TASP1: variants seen among roughly 807,000 people sequenced by gnomAD.
The protein encoded by TASP1 is taspase 1.
In TASP1, 16 loss-of-function variants were observed where a neutral mutation model predicts 56.6. That is an observed-to-expected ratio of 0.28 (90% CI 0.19 to 0.43). The LOEUF (loss-of-function observed/expected upper bound fraction) is 0.43. Ranked by LOEUF, TASP1 falls within the 20% of genes least tolerant of loss-of-function variation. The pLI, the probability that TASP1 is intolerant of heterozygous loss-of-function variation, is 1.00. For synonymous variants in TASP1, 179 were observed against 184.2 expected (o/e 0.97, Z 0.23); for missense variants, 393 against 511.6 (o/e 0.77, Z 2.24).
intron 8 of TASP1, among the ~76,000 whole-genome samples, chr20:13,557,779 C>T (rs1157435318): frequency 2.0e-5 from 3 of 151,580 alleles, no homozygotes; most frequent in Admixed American, 2.0e-4. Context: ...TCCTTGTTGC[C>T]CATGATGGTC....
At chr20:13,332,974 T>C in the TASP1 span, among the ~76,000 whole-genome samples, 1 of 152,224 alleles carries the variant, frequency 6.6e-6, no homozygotes, top group South Asian at 2.1e-4. Flanking sequence ...CATAACACTA[T>C]ACGCAAATGT....
chr20:13,474,645 C>T (rs1230485221), intron 11 of TASP1, among the ~76,000 whole-genome samples: 1 of 152,014 alleles, frequency 6.6e-6, no homozygotes, highest in African/African-American at 2.4e-5. Context: ...CTTTGGGTAG[C>T]TACTCAGTAG....
chr20:13,208,046 A>C, the TASP1 span, among the ~76,000 whole-genome samples: 1 of 152,230 alleles, frequency 6.6e-6, no homozygotes, highest in Non-Finnish European at 1.5e-5. Flanking sequence ...TCATTACCAA[A>C]ACTTTAGACT....
chr20:13,365,907 A>T, the TASP1 span, among the ~76,000 whole-genome samples: 3 of 152,190 alleles, frequency 2.0e-5, no homozygotes, highest in Non-Finnish European at 2.9e-5. Flanking sequence ...ATGAGACAAC[A>T]CAAGATGATA....
the TASP1 span, among the ~76,000 whole-genome samples, chr20:13,181,348 C>T: frequency 2.0e-5 from 3 of 152,180 alleles, no homozygotes; most frequent in African/African-American, 7.2e-5. Context: ...GCCCCCTTTT[C>T]CACTCTCTCA....
At chr20:13,117,593 T>C in the TASP1 span, 4 of 1,613,924 alleles carry the variant, frequency 2.5e-6, no homozygotes, top group African/African-American at 5.3e-5. Flanking sequence ...AAGCTCACAG[T>C]ATTGGGGCCG....
the TASP1 span, among the ~76,000 whole-genome samples, chr20:13,144,944 T>C: frequency 6.6e-6 from 1 of 152,106 alleles, no homozygotes; most frequent in Admixed American, 6.5e-5. Flanking sequence ...CCAGCTAATT[T>C]TTTTGTATTT....
At chr20:13,371,006 G>T in the TASP1 span, among the ~76,000 whole-genome samples, 1 of 152,152 alleles carries the variant, frequency 6.6e-6, no homozygotes, top group East Asian at 1.9e-4. Context: ...GTAAGGTCAA[G>T]CAGTATCATC....
At chr20:13,173,791 T>G in the TASP1 span, among the ~76,000 whole-genome samples, 6 of 152,298 alleles carry the variant, frequency 3.9e-5, no homozygotes, top group African/African-American at 1.4e-4. Context: ...TGTAGGTTTG[T>G]TTGGAATTGC....
chr20:13,220,409 C>G, the TASP1 span, among the ~76,000 whole-genome samples: 3 of 152,340 alleles, frequency 2.0e-5, no homozygotes, highest in East Asian at 1.9e-4. Flanking sequence ...CGCGGGAGCC[C>G]GAGGCTGCAG....
the TASP1 span, among the ~76,000 whole-genome samples, chr20:13,325,152 C>G: frequency 6.6e-6 from 1 of 152,180 alleles, no homozygotes; most frequent in Non-Finnish European, 1.5e-5. Flanking sequence ...CACAGGACAG[C>G]CCGACAAATG....
chr20:13,247,194 G>A, the TASP1 span, among the ~76,000 whole-genome samples: 1 of 152,022 alleles, frequency 6.6e-6, no homozygotes, highest in South Asian at 2.1e-4. Context: ...TCGCACCATT[G>A]CACTCCAGCC....
the TASP1 span, among the ~76,000 whole-genome samples, chr20:13,322,695 G>A: frequency 6.6e-6 from 1 of 152,194 alleles, no homozygotes; most frequent in African/African-American, 2.4e-5. Context: ...ATAAGGAATA[G>A]CTGCAAAGCT....
At chr20:13,491,044 T>C (rs2146566315) in intron 10 of TASP1, among the ~76,000 whole-genome samples, 2 of 152,302 alleles carry the variant, frequency 1.3e-5, no homozygotes, top group Middle Eastern at 3.4e-3. Flanking sequence ...AGCTTAACAA[T>C]CATCACTGAG....
chr20:13,576,902 A>G (rs1465125779), intron 6 of TASP1, among the ~76,000 whole-genome samples: 2 of 152,194 alleles, frequency 1.3e-5, no homozygotes, highest in African/African-American at 4.8e-5. Flanking sequence ...AAAATATTGC[A>G]TATGTCCCCT....
At chr20:13,269,105 G>A in the TASP1 span, among the ~76,000 whole-genome samples, 1 of 152,076 alleles carries the variant, frequency 6.6e-6, no homozygotes, top group Non-Finnish European at 1.5e-5. Flanking sequence ...GGGCAAAGAG[G>A]GCGTGTGGAG....
chr20:13,617,846 T>C (rs2048574680), intron 4 of TASP1, among the ~76,000 whole-genome samples: 1 of 152,100 alleles, frequency 6.6e-6, no homozygotes, highest in African/African-American at 2.4e-5. Flanking sequence ...CCCTTCCCAA[T>C]GTCCCCTTCC....
chr20:13,135,195 G>A, the TASP1 span, among the ~76,000 whole-genome samples: 2 of 152,182 alleles, frequency 1.3e-5, no homozygotes, highest in Non-Finnish European at 2.9e-5. Context: ...TGTCTCTTCA[G>A]TGTATCTTCA....
chr20:13,585,009 G>GA (rs200001923), intron 5 of TASP1, among the ~76,000 whole-genome samples: 1 of 151,588 alleles, frequency 6.6e-6, no homozygotes, highest in East Asian at 1.9e-4. Flanking sequence ...AAGAATGGGG[G>GA]AAAAAAAAGT....
Sources: gnomAD v4.1 joint callset for allele counts (sites outside exome capture counted in the v4.1 genomes callset) on GRCh38, gnomAD v4.1.1 for gene constraint, MANE v1.5 for transcripts, NCBI Gene and HGNC (gene_info 2026-07-23, HGNC 2026-07-21) for gene names.